FAM167A: variants seen among roughly 807,000 people sequenced by gnomAD.
FAM167A encodes the protein protein FAM167A.
A neutral mutation model predicts 14.9 loss-of-function variants in FAM167A; 23 were observed. The observed-to-expected ratio is 1.55, with a 90% confidence interval of 1.11 to 2.19. The LOEUF (loss-of-function observed/expected upper bound fraction) is 2.19. FAM167A is among the 30% of genes most tolerant of loss of function. The probability of loss-of-function intolerance (pLI) is 0.00; values close to 1 mark genes in which losing one functional copy is unlikely to be tolerated. For synonymous variants in FAM167A, 174 were observed against 117.7 expected (o/e 1.48, Z -3.10); for missense variants, 401 against 281.5 (o/e 1.42, Z -3.04).
At position 11,421,983 on chromosome 8, in the gene FAM167A, G is replaced by A. The variant is rs868778511; in HGVS notation, c.*2390C>T. On this transcript the variant is annotated 3_prime_UTR_variant, in exon 3 of 3. Transcript: ENST00000284486. The stretch of plus-strand genomic sequence containing the variant: ...CACTGGACGATGTTTAGAAAACATC[G>A]CTGTCCCCCTCCACTTCTCATCTTG... 1.8e-5 allele frequency: 7 copies of A among 396,464 alleles called. No individual in the cohort carries two copies. In the East Asian group the frequency reaches 1.8e-4, roughly 10 times the overall value. The allele number at this position is 396,464 out of a possible 1,614,324, so 24.6% of individuals were successfully genotyped here.
intron 1 of FAM167A, among the ~76,000 whole-genome samples, chr8:11,457,912 T>C (rs1475050832): frequency 1.3e-5 from 2 of 152,226 alleles, no homozygotes; most frequent in African/African-American, 4.8e-5. Context: ...CCTGTCTTCC[T>C]GACCAGACAT....
chr8:11,442,817 A>T (rs544000420), intron 2 of FAM167A, among the ~76,000 whole-genome samples: 2 of 152,274 alleles, frequency 1.3e-5, no homozygotes, highest in Admixed American at 6.5e-5. Flanking sequence ...CGGATATAAT[A>T]GAATGGTGTG....
At chr8:11,441,525 G>A (rs1323520137) in intron 2 of FAM167A, among the ~76,000 whole-genome samples, 4 of 152,172 alleles carry the variant, frequency 2.6e-5, no homozygotes, top group African/African-American at 4.8e-5. Flanking sequence ...GATGATTTCT[G>A]GAGCATGCAT....
chr8:11,434,758 G>A (rs1276083016), intron 2 of FAM167A: 1 of 287,236 alleles, frequency 3.5e-6, no homozygotes, highest in East Asian at 9.5e-5. Flanking sequence ...CTGATGACAT[G>A]ATGACTCTGG....
intron 1 of FAM167A, chr8:11,445,611 TCCCCATCTCCAGAGAGGAGGCATAAG>T: frequency 1.0e-6 from 1 of 985,370 alleles, no homozygotes; most frequent in Non-Finnish European, 1.2e-6. Flanking sequence ...TGATGTGGCC[TCCCCATCTCCAGAGAGGAGGCATAAG>T]CCCCAGCTCC....
At chr8:11,450,832 C>T (rs1269548715) in intron 1 of FAM167A, among the ~76,000 whole-genome samples, 1 of 152,184 alleles carries the variant, frequency 6.6e-6, no homozygotes, top group Non-Finnish European at 1.5e-5. Context: ...CCTCCTGTCC[C>T]CACGGATGCC....
chr8:11,427,906 G>A (rs1423425478), intron 2 of FAM167A, among the ~76,000 whole-genome samples: 2 of 152,172 alleles, frequency 1.3e-5, no homozygotes, highest in Non-Finnish European at 2.9e-5. Context: ...TGATGATAGG[G>A]TGGCTGGTCA....
chr8:11,433,217 A>AAAT (rs1554524362), intron 2 of FAM167A, among the ~76,000 whole-genome samples: 2 of 152,014 alleles, frequency 1.3e-5, no homozygotes, highest in African/African-American at 2.4e-5. Flanking sequence ...AAAAAAATAA[A>AAAT]AAATAAAAAA....
intron 2 of FAM167A, chr8:11,434,078 G>T (rs1455710123): frequency 6.6e-6 from 1 of 152,218 alleles, no homozygotes; most frequent in African/African-American, 2.4e-5. Context: ...CTGCTGAAGG[G>T]CAACTGGAGG....
intron 2 of FAM167A, among the ~76,000 whole-genome samples, chr8:11,427,812 T>A (rs1387235695): frequency 6.6e-6 from 1 of 152,214 alleles, no homozygotes; most frequent in Non-Finnish European, 1.5e-5. Flanking sequence ...TTAGTTTACT[T>A]TTCAATCCTT....
upstream of FAM167A, among the ~76,000 whole-genome samples, chr8:11,470,973 G>T (rs1282156150): frequency 1.3e-5 from 2 of 152,216 alleles, no homozygotes; most frequent in Admixed American, 1.3e-4. Flanking sequence ...CTGTCTTCTA[G>T]GGAACCTGTT....
rs1485114197 is a variant in FAM167A, at chr8:11,421,831, A to C, written c.*2542T>G. On this transcript the variant is annotated 3_prime_UTR_variant, in exon 3 of 3. Coordinates refer to ENST00000284486, the MANE Select transcript of FAM167A (RefSeq NM_053279.3). ...CAGCACTGTACACATGTGGTGAGCC[A>C]GGAGGCTGGGACGGAGGTTAGGCCA... is the stretch of plus-strand genomic sequence containing the variant. The C allele has an allele frequency of 2.5e-6, 1 of 398,670 alleles. No homozygotes were observed. Among genetic ancestry groups the C allele is most frequent in the African/African-American group, 2.1e-5 (1 of 48,644 alleles). The allele number at this position is 398,670 out of a possible 1,614,324, so 24.7% of individuals were successfully genotyped here. A position where few individuals can be genotyped will look rare whatever the true frequency, so the allele number is the denominator to read the frequency against.
intron 1 of FAM167A, among the ~76,000 whole-genome samples, chr8:11,457,001 A>C (rs1481029946): frequency 1.4e-5 from 1 of 69,384 alleles, no homozygotes; most frequent in Non-Finnish European, 2.9e-5. Context: ...GGGCTGGGTT[A>C]GGGAAGTGGG....
At chr8:11,475,522 A>T (rs923624694) in intron 1 of FAM167A, among the ~76,000 whole-genome samples, 1 of 152,006 alleles carries the variant, frequency 6.6e-6, no homozygotes, top group Non-Finnish European at 1.5e-5. Flanking sequence ...AATCAAGCAG[A>T]AGCCAAGATT....
intron 1 of FAM167A, among the ~76,000 whole-genome samples, chr8:11,462,499 AT>A (rs1244989398): frequency 6.6e-6 from 1 of 152,158 alleles, no homozygotes; most frequent in Non-Finnish European, 1.5e-5. Context: ...GGTCCATCGA[AT>A]TGGGAAATGG....
chr8:11,435,075 T>A, intron 2 of FAM167A: 1 of 456,712 alleles, frequency 2.2e-6, no homozygotes, highest in Non-Finnish European at 4.4e-6. Flanking sequence ...GATGGGCAGG[T>A]CTCCCTGCTT....
intron 2 of FAM167A, chr8:11,438,029 C>T: frequency 5.2e-6 from 2 of 383,842 alleles, no homozygotes; most frequent in Non-Finnish European, 5.2e-6. Flanking sequence ...TGCCTGTCTT[C>T]TCCTTCGAAG....
At chr8:11,438,988 C>T (rs1201954510) in intron 2 of FAM167A, among the ~76,000 whole-genome samples, 1 of 152,228 alleles carries the variant, frequency 6.6e-6, no homozygotes, top group African/African-American at 2.4e-5. Context: ...TTTACAAGTA[C>T]CCTGTTCTGA....
intron 1 of FAM167A, among the ~76,000 whole-genome samples, chr8:11,458,554 G>A (rs1416983666): frequency 1.3e-5 from 2 of 152,118 alleles, no homozygotes; most frequent in South Asian, 2.1e-4. Context: ...AGAAAGAGAC[G>A]TTCATTTTAG....
Sources: allele counts gnomAD v4.1 joint callset (sites outside exome capture counted in the v4.1 genomes callset), GRCh38; gene constraint gnomAD v4.1.1; transcripts MANE v1.5; gene names NCBI Gene and HGNC (gene_info 2026-07-23, HGNC 2026-07-21).